Variants in TMEM132D observed in about 807,000 individuals in gnomAD.
The protein encoded by TMEM132D is mature OL transmembrane protein.
TMEM132D carries 21 observed loss-of-function variants against 62.3 expected under a neutral mutation model. The ratio of observed to expected loss-of-function variants is 0.34; its 90% CI spans 0.24 to 0.49. The LOEUF (loss-of-function observed/expected upper bound fraction) is 0.49. Ranked by LOEUF, TMEM132D falls within the 20% of genes least tolerant of loss-of-function variation. The pLI is 0.99. For missense variants in TMEM132D, 1,346 were observed against 1,402.8 expected (o/e 0.96, Z 0.65); for synonymous variants, 621 against 575.6 (o/e 1.08, Z -1.13).
chr12:129,300,109 T>C (rs116614530), intron 4 of TMEM132D, among the ~76,000 whole-genome samples: 1,951 of 152,346 alleles, frequency 0.013, 43 homozygotes, highest in African/African-American at 0.044. Flanking sequence ...GTGGCTGTTC[T>C]AATGTGCCAT....
At chr12:129,193,586 G>C (rs1878471312) in intron 5 of TMEM132D, among the ~76,000 whole-genome samples, 1 of 152,178 alleles carries the variant, frequency 6.6e-6, no homozygotes, top group African/African-American at 2.4e-5. Flanking sequence ...TAAACACAAA[G>C]TATGTGTGTT....
chr12:129,788,149 G>A (rs1871294081), intron 1 of TMEM132D, among the ~76,000 whole-genome samples: 1 of 152,204 alleles, frequency 6.6e-6, no homozygotes, highest in African/African-American at 2.4e-5. Context: ...CAAAGCTGTG[G>A]CAAAGAGTAG....
chr12:129,256,169 T>C (rs118066343), intron 4 of TMEM132D, among the ~76,000 whole-genome samples: 2,347 of 152,236 alleles, frequency 0.015, 105 homozygotes, highest in East Asian at 0.097. Context: ...AACCTCCGCC[T>C]CTGGGGTTCA....
At chr12:129,308,499 C>T (rs1014041808) in intron 4 of TMEM132D, among the ~76,000 whole-genome samples, 1 of 152,196 alleles carries the variant, frequency 6.6e-6, no homozygotes, top group African/African-American at 2.4e-5. Flanking sequence ...CATTTCTCTG[C>T]CACAGAAACT....
At chr12:129,527,441 C>T (rs75308032) in intron 3 of TMEM132D, among the ~76,000 whole-genome samples, 4,228 of 152,236 alleles carry the variant, frequency 0.028, 196 homozygotes, top group African/African-American at 0.096. Context: ...ATACTCTTGC[C>T]TATCTATAAT....
intron 1 of TMEM132D, among the ~76,000 whole-genome samples, chr12:129,876,540 A>G (rs1874421613): frequency 6.6e-6 from 1 of 152,144 alleles, no homozygotes; most frequent in South Asian, 2.1e-4. Flanking sequence ...CCCAAGACCA[A>G]CTTGCTTAAA....
chr12:129,196,126 C>CA (rs1565994217), intron 5 of TMEM132D, among the ~76,000 whole-genome samples: 1 of 149,268 alleles, frequency 6.7e-6, no homozygotes, highest in South Asian at 2.1e-4. Context: ...GACTCCATCT[C>CA]AAAAAAAGAA....
intron 5 of TMEM132D, among the ~76,000 whole-genome samples, chr12:129,094,910 TTCTCAG>T (rs1875050262): frequency 1.3e-5 from 2 of 151,802 alleles, no homozygotes; most frequent in Non-Finnish European, 1.5e-5. Context: ...GAAACCACCA[TTCTCAG>T]CAAACTATCG....
At chr12:129,446,879 C>T (rs915075364) in intron 3 of TMEM132D, among the ~76,000 whole-genome samples, 3 of 152,180 alleles carry the variant, frequency 2.0e-5, no homozygotes, top group Admixed American at 6.5e-5. Flanking sequence ...CCGTGAGACC[C>T]GGCTGGCATT....
intron 2 of TMEM132D, among the ~76,000 whole-genome samples, chr12:129,590,845 C>A (rs1053154422): frequency 6.6e-6 from 1 of 152,114 alleles, no homozygotes. Flanking sequence ...GACCTCACCC[C>A]CTTGTCATGG....
At chr12:129,848,502 T>C (rs897753954) in intron 1 of TMEM132D, among the ~76,000 whole-genome samples, 1 of 152,174 alleles carries the variant, frequency 6.6e-6, no homozygotes, top group South Asian at 2.1e-4. Context: ...AGACACGTTT[T>C]CCAATGGGGA....
At chr12:129,884,796 A>T (rs1013457598) in intron 1 of TMEM132D, among the ~76,000 whole-genome samples, 1 of 152,224 alleles carries the variant, frequency 6.6e-6, no homozygotes, top group Non-Finnish European at 1.5e-5. Context: ...CAAGAAATGA[A>T]AGCATGTGTT....
intron 1 of TMEM132D, among the ~76,000 whole-genome samples, chr12:129,866,161 T>C (rs1318264180): frequency 2.0e-5 from 3 of 151,990 alleles, no homozygotes; most frequent in Non-Finnish European, 4.4e-5. Context: ...GAAATGCAAA[T>C]CAAAACCACA....
chr12:129,163,665 C>A (rs1426926689), intron 5 of TMEM132D, among the ~76,000 whole-genome samples: 1 of 152,210 alleles, frequency 6.6e-6, no homozygotes, highest in Non-Finnish European at 1.5e-5. Context: ...GGCCCAGCAC[C>A]AACTCCCGCT....
chr12:129,375,746 A>C (rs575196581), intron 3 of TMEM132D, among the ~76,000 whole-genome samples: 1 of 152,124 alleles, frequency 6.6e-6, no homozygotes, highest in Non-Finnish European at 1.5e-5. Flanking sequence ...AGAAGTATTG[A>C]TTTCATTGGT....
chr12:129,807,599 A>T (rs767835079), intron 1 of TMEM132D, among the ~76,000 whole-genome samples: 6 of 152,176 alleles, frequency 3.9e-5, no homozygotes, highest in Non-Finnish European at 8.8e-5. Context: ...TTGATTTAAT[A>T]TGTGTATTTT....
chr12:129,510,143 T>C (rs552442624), intron 3 of TMEM132D, among the ~76,000 whole-genome samples: 21 of 152,280 alleles, frequency 1.4e-4, no homozygotes, highest in African/African-American at 4.8e-4. Flanking sequence ...TTATTGCCTC[T>C]CTTTGGGATA....
chr12:129,380,336 A>G (rs1317898933), intron 3 of TMEM132D, among the ~76,000 whole-genome samples: 1 of 152,218 alleles, frequency 6.6e-6, no homozygotes, highest in Non-Finnish European at 1.5e-5. Context: ...CAAAGTCTCC[A>G]CTTTCATCAT....
chr12:129,363,202 C>A (rs1350816902), intron 3 of TMEM132D, among the ~76,000 whole-genome samples: 2 of 152,208 alleles, frequency 1.3e-5, no homozygotes, highest in East Asian at 3.9e-4. Context: ...AAAGCGACAT[C>A]ACAGCTCACA....
Sources: allele counts gnomAD v4.1 joint callset (sites outside exome capture counted in the v4.1 genomes callset), GRCh38; gene constraint gnomAD v4.1.1; transcripts MANE v1.5; gene names NCBI Gene and HGNC (gene_info 2026-07-23, HGNC 2026-07-21).